Variants in ERGIC3 observed in about 807,000 individuals in gnomAD.
ERGIC3 encodes the protein ERGIC and golgi 3.
ERGIC3 carries 33 observed loss-of-function variants against 54.7 expected under a neutral mutation model. That is an observed-to-expected ratio of 0.60 (90% CI 0.46 to 0.81). The LOEUF (loss-of-function observed/expected upper bound fraction) is 0.81, where lower values mean the gene tolerates loss of function less well. Among genes scored for constraint, ERGIC3 ranks in the 30% least tolerant of loss-of-function variants. ERGIC3 has a pLI of 0.00. For synonymous variants in ERGIC3, 186 were observed against 189.8 expected (o/e 0.98, Z 0.16); for missense variants, 399 against 488.4 (o/e 0.82, Z 1.73).
At chr20:35,549,331 C>A in intron 7 of ERGIC3, 1 of 421,334 alleles carries the variant, frequency 2.4e-6, no homozygotes, top group Non-Finnish European at 4.9e-6. Flanking sequence ...ATATTTGGGC[C>A]CTATTTAGTT....
At chr20:35,553,020 A>AGTTTTTTTTTTTTTTTTT in intron 7 of ERGIC3, among the ~76,000 whole-genome samples, 1 of 41,552 alleles carries the variant, frequency 2.4e-5, no homozygotes, top group Non-Finnish European at 4.4e-5. Flanking sequence ...AAAGCTGGGG[A>AGTTTTTTTTTTTTTTTTT]TTTTTTTTTT....
At chr20:35,548,430 G>T in intron 5 of ERGIC3, 79 bp from the exon 6 acceptor site, 4 of 1,495,096 alleles carry the variant, frequency 2.7e-6, no homozygotes, top group Non-Finnish European at 2.7e-6. Flanking sequence ...AGGCAGAGCT[G>T]CTCGGGCTCT....
chr20:35,551,453 A>T (rs2064681371), intron 7 of ERGIC3, among the ~76,000 whole-genome samples: 1 of 152,154 alleles, frequency 6.6e-6, no homozygotes, highest in Non-Finnish European at 1.5e-5. Context: ...CCAAGGTGTC[A>T]AGTAAGTTTT....
chr20:35,548,816 A>C lies in ERGIC3; in HGVS notation c.636A>C (p.Gly212=). The C allele has an allele frequency of 6.2e-7, 1 of 1,614,250 alleles. No individual in the cohort carries two copies. The change falls in exon 7 of 13, where the codon GGA becomes GGC. Residue 212 remains glycine, a synonymous_variant. Coordinates refer to ENST00000348547, the MANE Select transcript of ERGIC3 (RefSeq NM_015966.3). ...GAGAATGTTCCTTACAGGTGGCCGGAAACTTCCACTTTGCCCCTGGGAAGA... is the reference window on the plus strand; with the variant it reads ...GAGAATGTTCCTTACAGGTGGCCGGCAACTTCCACTTTGCCCCTGGGAAGA... ...YGFLEVNKVA[G]NFHFAPGKSF...
rs11468676 is a variant in ERGIC3, at chr20:35,544,013, ACTATCTATCTAT to A, written c.367+1111_367+1122del. The A allele has an allele frequency of 9.9e-3, 1,861 of 187,850 alleles. 14 individuals carry two copies. Among genetic ancestry groups the A allele is most frequent in the Admixed American group, 0.014 (236 of 17,110 alleles). 11.6% of individuals were successfully genotyped at this position (187,850 alleles called of 1,614,324 possible). ...GGATTGATGGGGCACTGAAGAATCT[ACTATCTATCTAT>A]CTATCTATCTATCTATCTATCTATC... is the stretch of plus-strand genomic sequence containing the variant. On this transcript the variant is annotated intron_variant, in intron 4 of 12. Coordinates refer to ENST00000348547, the MANE Select transcript of ERGIC3 (RefSeq NM_015966.3).
chr20:35,543,699 A>G (rs1157133308), intron 4 of ERGIC3: 5 of 470,930 alleles, frequency 1.1e-5, no homozygotes, highest in Admixed American at 4.7e-5. Context: ...ATAATTTGCT[A>G]TAGGACTGGA....
At chr20:35,542,241 G>A in intron 1 of ERGIC3, 56 bp downstream of exon 1, 2 of 1,607,946 alleles carry the variant, frequency 1.2e-6, no homozygotes, top group Non-Finnish European at 8.5e-7. Flanking sequence ...AGCTTAGCCC[G>A]GGCTCCTGGA....
intron 4 of ERGIC3, 74 bp downstream of exon 4, chr20:35,543,015 T>C (rs749305498): frequency 6.2e-7 from 1 of 1,602,182 alleles, no homozygotes; most frequent in Non-Finnish European, 8.5e-7. Context: ...GCAAGTGAAC[T>C]GTGGCAGGCA....
chr20:35,555,945 C>T, intron 8 of ERGIC3, 88 bp from the exon 9 acceptor site: 1 of 1,254,972 alleles, frequency 8.0e-7, no homozygotes, highest in Non-Finnish European at 1.1e-6. Flanking sequence ...CCTCCCCTTC[C>T]TCCCACATCT....
chr20:35,543,385 G>T lies in ERGIC3; in HGVS notation c.367+444G>T, dbSNP rs1172050724. On this transcript the variant is annotated intron_variant, in intron 4 of 12. Coordinates refer to ENST00000348547, the MANE Select transcript of ERGIC3 (RefSeq NM_015966.3). ...GTCAGATTGCCTGGGTTCACATCTA[G>T]CTTTGTCTCCTGCAGTCTGTGAGCT... 5 of 340,162 alleles carry T rather than the reference G, an allele frequency of 1.5e-5. No homozygotes were observed. In the East Asian group the frequency reaches 3.7e-4, roughly 25 times the overall value. 21.1% of individuals were successfully genotyped at this position (340,162 alleles called of 1,614,324 possible).
chr20:35,556,049 A>G lies in ERGIC3; in HGVS notation c.734A>G (p.Tyr245Cys). ...FGLDNINMTH[Y>C]IQHLSFGEDY... ...TGTTTACAGATCAACATGACCCACT[A>G]CATCCAGCACCTGTCATTTGGGGAG... The change falls in exon 9 of 13, where the codon TAC becomes TGC. Residue 245 changes from tyrosine (Y) to cysteine (C), a missense_variant. Tyr to Cys is a radical substitution (Grantham distance 194). Coordinates refer to ENST00000348547, the MANE Select transcript of ERGIC3 (RefSeq NM_015966.3). 6.2e-7 allele frequency: 1 copy of G among 1,614,122 alleles called. No homozygotes were observed.
chr20:35,557,137 G>C (rs370433773), intron 11 of ERGIC3, 28 bp downstream of exon 11: 1 of 1,614,094 alleles, frequency 6.2e-7, no homozygotes, highest in African/African-American at 1.3e-5. Context: ...GCGGCCTCTG[G>C]GGGCCTGGGC....
chr20:35,543,110 A>C (rs1336896367), intron 4 of ERGIC3, 169 bp downstream of exon 4: 6 of 857,870 alleles, frequency 7.0e-6, no homozygotes, highest in Non-Finnish European at 1.1e-5. Context: ...GAGTGAGCTA[A>C]AATCCTCTAT....
intron 2 of ERGIC3, 40 bp from the exon 3 acceptor site, chr20:35,542,473 A>G (rs1254600437): frequency 3.7e-6 from 6 of 1,613,432 alleles, no homozygotes; most frequent in Non-Finnish European, 5.1e-6. Context: ...GGGGAAGGAG[A>G]GGTTTGGGGC....
chr20:35,542,452 G>T (rs2064619616), intron 2 of ERGIC3, 59 bp downstream of exon 2: 1 of 1,613,848 alleles, frequency 6.2e-7, no homozygotes. Flanking sequence ...AGGACCTTTA[G>T]GGGTGGGAGT....
chr20:35,549,376 A>C, intron 7 of ERGIC3: 1 of 379,188 alleles, frequency 2.6e-6, no homozygotes, highest in Non-Finnish European at 5.4e-6. Flanking sequence ...TGATAATAGT[A>C]CCCACTCACA....
At chr20:35,545,957 A>T (rs1229368835) in intron 4 of ERGIC3, among the ~76,000 whole-genome samples, 1 of 152,212 alleles carries the variant, frequency 6.6e-6, no homozygotes, top group African/African-American at 2.4e-5. Flanking sequence ...GGATAGGTCT[A>T]CGGCCTGTAC....
At chr20:35,542,668 C>A in intron 3 of ERGIC3, 68 bp downstream of exon 3, 1 of 1,601,590 alleles carries the variant, frequency 6.2e-7, no homozygotes, top group Non-Finnish European at 8.6e-7. Flanking sequence ...AGATTCACAC[C>A]TCCACCCTTA....
At chr20:35,554,508 CTG>C in intron 7 of ERGIC3, 2 of 1,053,140 alleles carry the variant, frequency 1.9e-6, no homozygotes, top group Non-Finnish European at 2.9e-6. Context: ...TGCTGGGTGA[CTG>C]TAAAAGGTCT....
Sources: allele counts gnomAD v4.1 joint callset (sites outside exome capture counted in the v4.1 genomes callset), GRCh38; gene constraint gnomAD v4.1.1; transcripts MANE v1.5; gene names NCBI Gene and HGNC (gene_info 2026-07-23, HGNC 2026-07-21).